Variants in BICC1 observed in about 807,000 individuals in gnomAD.
BICC1 encodes protein bicaudal C homolog 1.
Under a neutral mutation model 111.0 loss-of-function variants are expected in BICC1, and 43 were observed. The ratio of observed to expected loss-of-function variants is 0.39; its 90% confidence interval spans 0.30 to 0.50. BICC1 has a LOEUF of 0.50. BICC1 is among the 20% of genes least tolerant of loss of function. The pLI is 0.88. For synonymous variants in BICC1, 467 were observed against 434.4 expected (o/e 1.07, Z -0.93); for missense variants, 1,091 against 1,203.2 (o/e 0.91, Z 1.38).
chr10:58,684,749 A>G (rs528070907), intron 2 of BICC1, among the ~76,000 whole-genome samples: 13 of 152,020 alleles, frequency 8.6e-5, no homozygotes, highest in Admixed American at 7.2e-4. Flanking sequence ...TATTGCATCT[A>G]TTTGATTCTT....
chr10:58,736,964 G>T (rs994180127), intron 3 of BICC1, among the ~76,000 whole-genome samples: 1 of 151,762 alleles, frequency 6.6e-6, no homozygotes, highest in African/African-American at 2.4e-5. Context: ...CTGGGGCATA[G>T]AAATTTTATT....
chr10:58,603,967 C>T (rs989098569), intron 1 of BICC1, among the ~76,000 whole-genome samples: 8 of 152,096 alleles, frequency 5.3e-5, no homozygotes, highest in Admixed American at 1.3e-4. Context: ...TTTTTCATAA[C>T]GGTCTTCAAA....
At chr10:58,702,947 C>T (rs2393471) in intron 3 of BICC1, among the ~76,000 whole-genome samples, 105,010 of 152,060 alleles carry the variant, frequency 0.69, 39,199 homozygotes, top group East Asian at 0.9. Flanking sequence ...TGTTTAGTTT[C>T]GTATTTGCTG....
chr10:58,803,171 A>C lies in BICC1; in HGVS notation c.2110A>C (p.Arg704=). 1 of 1,611,572 alleles carries C rather than the reference A, an allele frequency of 6.2e-7. No individual in the cohort carries two copies. Among genetic ancestry groups the C allele is most frequent in the Admixed American group, 1.7e-5 (1 of 59,738 alleles). The change falls in exon 15 of 21, where the codon AGG becomes CGG. Residue 704 remains arginine (R), a synonymous_variant. Coordinates refer to ENST00000373886, the MANE Select transcript of BICC1 (RefSeq NM_001080512.3). ...KAPGSERAAE[R]AAAAQQNSER... is the part of the protein sequence containing the mutation. ...TCCAGGGAGTGAGCGCGCTGCAGAG[A>C]GGGCAGCAGCTGCCCAGCAAAACTC... is the stretch of plus-strand genomic sequence containing the variant.
At chr10:58,794,165 T>G (rs938361264) in intron 9 of BICC1, among the ~76,000 whole-genome samples, 9 of 138,226 alleles carry the variant, frequency 6.5e-5, no homozygotes, top group Non-Finnish European at 1.1e-4. Context: ...CTTACATGTT[T>G]TGTGTGTGTG....
intron 1 of BICC1, among the ~76,000 whole-genome samples, chr10:58,592,221 C>T (rs916219934): frequency 1.1e-4 from 17 of 152,016 alleles, no homozygotes; most frequent in East Asian, 7.7e-4. Context: ...CCTGTATAGC[C>T]GAGTATTACT....
At chr10:58,630,357 G>T (rs1837755518) in intron 2 of BICC1, among the ~76,000 whole-genome samples, 1 of 152,192 alleles carries the variant, frequency 6.6e-6, no homozygotes, top group Admixed American at 6.5e-5. Flanking sequence ...GGAAAAAGAT[G>T]TTCCAGAGTG....
Position 58,803,170 on chromosome 10 carries a change from G to C in BICC1, c.2109G>C (p.Glu703Asp), listed in dbSNP as rs1407821061. 6.2e-7 allele frequency: 1 copy of C among 1,611,546 alleles called. No individual in the cohort carries two copies. The highest frequency in any genetic ancestry group is 1.7e-5 in the Admixed American group (1 of 59,720). The change falls in exon 15 of 21, where the codon GAG (glutamate) becomes GAC (aspartate). Residue 703 changes from glutamate (E) to aspartate (D), a missense_variant. This residue lies in a region of BICC1 where 843 missense variants were observed against 900.8 expected (regional missense o/e 0.94). Transcript: ENST00000373886. ...KKAPGSERAA[E>D]RAAAAQQNSE... The stretch of plus-strand genomic sequence containing the variant: ...CTCCAGGGAGTGAGCGCGCTGCAGA[G>C]AGGGCAGCAGCTGCCCAGCAAAACT...
At chr10:58,637,020 C>A (rs376590025) in intron 2 of BICC1, among the ~76,000 whole-genome samples, 11 of 150,358 alleles carry the variant, frequency 7.3e-5, no homozygotes, top group African/African-American at 2.7e-4. Flanking sequence ...TTGAAAAAAA[C>A]CACACACAGT....
In BICC1 at chr10:58,830,301, G is replaced by A. The variant is rs1487777910; in HGVS notation, c.*1410G>A. ...TTTTAATCCATGAAGAAACACTAAAGTGCCTTTCTTTCTTCAAAGCAATAT... is the reference window on the plus strand; with the variant it reads ...TTTTAATCCATGAAGAAACACTAAAATGCCTTTCTTTCTTCAAAGCAATAT... On this transcript the variant is annotated 3_prime_UTR_variant, in exon 21 of 21. Coordinates refer to ENST00000373886, the MANE Select transcript of BICC1 (RefSeq NM_001080512.3). 6.6e-6 allele frequency: 1 copy of A among 152,082 alleles called. No homozygotes were observed. Among genetic ancestry groups the A allele is most frequent in the African/African-American group, 2.4e-5 (1 of 41,440 alleles). The allele number at this position is 152,082 out of a possible 1,614,324, so 9.4% of individuals were successfully genotyped here.
At position 58,790,071 on chromosome 10, in the gene BICC1, A is replaced by C. The variant is rs529581080; in HGVS notation, c.1047+138A>C. 1.2e-5 allele frequency: 12 copies of C among 965,320 alleles called. No homozygotes were observed. In the African/African-American group the frequency reaches 1.8e-4, roughly 14 times the overall value. 59.8% of individuals were successfully genotyped at this position (965,320 alleles called of 1,614,324 possible). On this transcript the variant is annotated intron_variant, in intron 8 of 20. Coordinates refer to ENST00000373886, the MANE Select transcript of BICC1 (RefSeq NM_001080512.3). ...TCAAATAAGGAAGTTTCTTGCTAAA[A>C]GGAAATAAACTGGAAGAGTAATAAG...
At chr10:58,806,487 C>G (rs373257309) in intron 15 of BICC1, 97 bp from the exon 16 acceptor site, 1 of 1,069,816 alleles carries the variant, frequency 9.3e-7, no homozygotes, top group Non-Finnish European at 1.4e-6. Context: ...CAGGCAGATT[C>G]ATGGAACACA....
intron 2 of BICC1, among the ~76,000 whole-genome samples, chr10:58,690,508 G>A (rs1839878480): frequency 6.6e-6 from 1 of 152,206 alleles, no homozygotes. Flanking sequence ...ACATGGGGGA[G>A]AAATGAACTT....
intron 2 of BICC1, among the ~76,000 whole-genome samples, chr10:58,685,001 G>T (rs1196811812): frequency 3.3e-5 from 5 of 152,116 alleles, no homozygotes; most frequent in South Asian, 2.1e-4. Flanking sequence ...TCTCTTGTGG[G>T]CATTTAGTGC....
chr10:58,740,198 C>T (rs1467134085), intron 3 of BICC1, among the ~76,000 whole-genome samples: 1 of 152,146 alleles, frequency 6.6e-6, no homozygotes, highest in Non-Finnish European at 1.5e-5. Context: ...GTAGCTATTA[C>T]TATGACCAGT....
intron 3 of BICC1, among the ~76,000 whole-genome samples, chr10:58,758,467 G>A (rs1386201683): frequency 1.3e-5 from 2 of 152,178 alleles, no homozygotes; most frequent in African/African-American, 4.8e-5. Context: ...ACTAAGAAAG[G>A]AATTCCTGGC....
At chr10:58,551,110 T>G (rs1207176388) in intron 1 of BICC1, among the ~76,000 whole-genome samples, 1 of 152,156 alleles carries the variant, frequency 6.6e-6, no homozygotes, top group East Asian at 1.9e-4. Flanking sequence ...CCCCTGATCC[T>G]TCACTATTTC....
At chr10:58,661,229 G>A (rs1421326605) in intron 2 of BICC1, among the ~76,000 whole-genome samples, 1 of 86,268 alleles carries the variant, frequency 1.2e-5, no homozygotes, top group Non-Finnish European at 2.5e-5. Context: ...TTTTTTTTTT[G>A]TCCCTGAAGT....
intron 2 of BICC1, among the ~76,000 whole-genome samples, chr10:58,670,392 A>ATAG (rs1161182743): frequency 1.3e-4 from 20 of 152,172 alleles, no homozygotes; most frequent in African/African-American, 4.8e-4. Context: ...CTATGACGAT[A>ATAG]TAGACCATTA....
Sources: allele counts gnomAD v4.1 joint callset (sites outside exome capture counted in the v4.1 genomes callset), GRCh38; gene constraint gnomAD v4.1.1; regional missense constraint gnomAD v4.1.1; transcripts MANE v1.5; gene names NCBI Gene and HGNC (gene_info 2026-07-23, HGNC 2026-07-21).